The following ZBTB17 variants were observed in gnomAD, a reference collection of about 807,000 sequenced individuals.
ZBTB17 encodes the protein zinc finger and BTB domain-containing protein 17.
ZBTB17 carries 24 observed loss-of-function variants against 85.1 expected under a neutral mutation model. The observed-to-expected ratio is 0.28, with a 90% CI of 0.20 to 0.40. The LOEUF (loss-of-function observed/expected upper bound fraction) is 0.40. ZBTB17 is among the 10% of genes least tolerant of loss of function. ZBTB17 has a pLI of 1.00. For missense variants in ZBTB17, 743 were observed against 1,105.1 expected, an observed-to-expected ratio of 0.67 and a Z score of 4.65; for synonymous variants, 464 against 460.2, an observed-to-expected ratio of 1.01 and a Z score of -0.11.
chr1:15,969,674 A>T (rs1192454290), intron 2 of ZBTB17: 6 of 462,830 alleles, frequency 1.3e-5, no homozygotes, highest in African/African-American at 4.0e-5. Flanking sequence ...CTGACTGCCA[A>T]TATCTTCGCC....
rs545852303 is a variant in ZBTB17 at position 15,946,181 on chromosome 1, C to T, written c.508G>A (p.Gly170Ser). 3.2e-5 allele frequency: 52 copies of T among 1,610,410 alleles called. No individual in the cohort carries two copies. The highest frequency in any genetic ancestry group is 3.2e-4 in the African/African-American group (24 of 75,032). Residue 170 changes from glycine (G) to serine (S), a missense_variant, in exon 5 of 16, where the codon GGC becomes AGC. Coordinates refer to ENST00000375743, the MANE Select transcript of ZBTB17 (RefSeq NM_003443.3). ...CTGGCCGCACTCTGGGCCTGACCGC[C>T]GCGCTCCTCCTTGAGGTCCCTGCTG... ...GPSRDLKEER[G>S]GQAQSAASGA...
intron 2 of ZBTB17, among the ~76,000 whole-genome samples, chr1:15,950,027 C>T (rs978931357): frequency 6.6e-6 from 1 of 152,264 alleles, no homozygotes. Flanking sequence ...CCCGCGCAGG[C>T]TTTGGCTCTC....
At chr1:15,943,565 C>T in intron 11 of ZBTB17, 34 bp downstream of exon 11, 3 of 1,612,612 alleles carry the variant, frequency 1.9e-6, no homozygotes, top group Non-Finnish European at 2.5e-6. Flanking sequence ...TCTCCGTGCC[C>T]TCCCAGTCCT....
intron 2 of ZBTB17, among the ~76,000 whole-genome samples, chr1:15,959,679 G>C (rs2072187251): frequency 6.6e-6 from 1 of 152,016 alleles, no homozygotes; most frequent in African/African-American, 2.4e-5. Context: ...GGCTGAGGTG[G>C]GAGGATCACT....
In ZBTB17 at chr1:15,953,142, C is replaced by T. The variant is rs966918551; in HGVS notation, c.-2-4645G>A. ...AAACTAAATGTGTATATTTCATATACATTTACATGAAAACATTCCAATTAT... is the reference window on the plus strand; with the variant it reads ...AAACTAAATGTGTATATTTCATATATATTTACATGAAAACATTCCAATTAT... On this transcript the variant is annotated intron_variant, in intron 2 of 15. Transcript: ENST00000375743. This position sits in a 1 kb window ranked among gnomAD's most constrained non-coding sequence, Gnocchi z 5.1. Among the ~76,000 whole-genome samples, 2 of 151,964 alleles carry T rather than the reference C, an allele frequency of 1.3e-5. No individual in the cohort carries two copies. The highest frequency in any genetic ancestry group is 6.5e-5 in the Admixed American group (1 of 15,268).
chr1:15,970,853 G>T (rs1557798730), intron 2 of ZBTB17, among the ~76,000 whole-genome samples: 1 of 152,312 alleles, frequency 6.6e-6, no homozygotes, highest in Non-Finnish European at 1.5e-5. Flanking sequence ...AGCCAGGAGA[G>T]CCTTTTCCAT....
At chr1:15,975,488 G>A (rs755065516) in intron 1 of ZBTB17, among the ~76,000 whole-genome samples, 14 of 152,200 alleles carry the variant, frequency 9.2e-5, no homozygotes, top group Non-Finnish European at 1.9e-4. Context: ...ACCGTCCGCA[G>A]TACGAATGAA....
At position 15,965,440 on chromosome 1, in the gene ZBTB17, T is replaced by C. The variant is rs563600263; in HGVS notation, c.-3+7599A>G. Among the ~76,000 whole-genome samples the C allele has an allele frequency of 3.3e-5, 5 of 152,272 alleles. No homozygotes were observed. In the South Asian group the frequency reaches 1.0e-3, roughly 32 times the overall value. On this transcript the variant is annotated intron_variant, in intron 2 of 15. Coordinates refer to ENST00000375743, the MANE Select transcript of ZBTB17 (RefSeq NM_003443.3). ...TACGCCCACCAGATTAGTAAAAATG[T>C]TGAAGTCTGAAAATACCATTGTTGA... is the stretch of plus-strand genomic sequence containing the variant.
Position 15,971,428 on chromosome 1 carries a change from TAC to T in ZBTB17, c.-3+1609_-3+1610del, listed in dbSNP as rs142948524. 9.4e-4 allele frequency among the ~76,000 whole-genome samples: 91 copies of T among 96,308 alleles called. 4 individuals are homozygous for T. Among genetic ancestry groups the T allele is most frequent in the African/African-American group, 3.0e-3 (72 of 23,972 alleles). The allele number at this position is 96,308 out of a possible 152,430, so 63.2% of individuals were successfully genotyped here. On this transcript the variant is annotated intron_variant, in intron 2 of 15. Transcript: ENST00000375743. The stretch of plus-strand genomic sequence containing the variant: ...TATATACACACACACTATATATATA[TAC>T]ACACACACTATATATATACACACAC...
chr1:15,958,146 A>G (rs1434737472), intron 2 of ZBTB17, among the ~76,000 whole-genome samples: 4 of 152,238 alleles, frequency 2.6e-5, no homozygotes, highest in Admixed American at 1.3e-4. Context: ...CGAGTGTGCA[A>G]TGAGACAACT....
intron 2 of ZBTB17, among the ~76,000 whole-genome samples, chr1:15,959,437 A>G (rs1258932303): frequency 6.6e-6 from 1 of 151,620 alleles, no homozygotes; most frequent in Non-Finnish European, 1.5e-5. Flanking sequence ...ACTATCTATT[A>G]AAAAATTAAA....
chr1:15,942,029 G>A lies in ZBTB17; in HGVS notation c.2352C>T (p.Gly784=), dbSNP rs768209709. 9 of 1,609,580 alleles carry A rather than the reference G, an allele frequency of 5.6e-6. No homozygotes were observed. Among genetic ancestry groups the A allele is most frequent in the South Asian group, 5.5e-5 (5 of 91,032 alleles). The change falls in exon 16 of 16, where the codon GGC becomes GGT. Residue 784 remains glycine (G), a synonymous_variant. Transcript: ENST00000375743. ...GGGAGGTCTCTGCCAGTGCGGGCTG[G>A]CCCTCAGCCCCGTCGCGAGGGCGGA... ...LVFRPRDGAE[G]QPALAETSPT... is the part of the protein sequence containing the mutation.
chr1:15,942,979 G>A lies in ZBTB17; in HGVS notation c.1828+85C>T. The stretch of plus-strand genomic sequence containing the variant: ...GCAAGAGCTAGCACCCGAGGCTGGG[G>A]TCTGGGGGGTCCCTTCCTTCCCCCT... On this transcript the variant is annotated intron_variant, in intron 13 of 15. Transcript: ENST00000375743. The A allele has an allele frequency of 1.9e-6, 3 of 1,562,558 alleles. No homozygotes were observed. In the South Asian group the frequency reaches 3.4e-5, roughly 18 times the overall value.
chr1:15,960,752 C>T (rs2072229843), intron 2 of ZBTB17, among the ~76,000 whole-genome samples: 1 of 152,112 alleles, frequency 6.6e-6, no homozygotes, highest in Admixed American at 6.5e-5. Flanking sequence ...AGAATTCAAG[C>T]CAAAAGAAAA....
At chr1:15,946,015 C>T (rs1337889232) in intron 5 of ZBTB17, 139 bp downstream of exon 5, 8 of 1,553,692 alleles carry the variant, frequency 5.1e-6, no homozygotes, top group Non-Finnish European at 7.0e-6. Flanking sequence ...CTGGAACACA[C>T]AATAGGTCAT....
Position 15,976,064 on chromosome 1 carries a change from A to G in ZBTB17, c.-171T>C. 1 of 689,392 alleles carries G rather than the reference A, an allele frequency of 1.5e-6. No homozygotes were observed. The highest frequency in any genetic ancestry group is 2.6e-6 in the Non-Finnish European group (1 of 378,774). 42.7% of individuals were successfully genotyped at this position (689,392 alleles called of 1,614,324 possible). A position where few individuals can be genotyped will look rare whatever the true frequency, so the allele number is the denominator to read the frequency against. On this transcript the variant is annotated 5_prime_UTR_variant, in exon 1 of 16. Coordinates refer to ENST00000375743, the MANE Select transcript of ZBTB17 (RefSeq NM_003443.3). ...GGGGACGGCACTCCAGAGCAGACAA[A>G]GGGCGCCGCCATGTTAGAGTCGGGC... is the stretch of plus-strand genomic sequence containing the variant.
At chr1:15,945,901 T>A in intron 5 of ZBTB17, 61 bp from the exon 6 acceptor site, 1 of 1,566,042 alleles carries the variant, frequency 6.4e-7, no homozygotes, top group Admixed American at 1.7e-5. Context: ...CGGATACCTC[T>A]CCTGGACCAG....
chr1:15,942,447 G>A (rs1481496439), intron 14 of ZBTB17, 27 bp from the exon 15 acceptor site: 29 of 1,612,200 alleles, frequency 1.8e-5, no homozygotes, highest in Non-Finnish European at 2.4e-5. Flanking sequence ...AGGGCCTAAG[G>A]TGAAGGCACG....
chr1:15,944,730 G>C lies in ZBTB17; in HGVS notation c.1037C>G (p.Pro346Arg). 3 of 1,611,498 alleles carry C rather than the reference G, an allele frequency of 1.9e-6. No homozygotes were observed. The highest frequency in any genetic ancestry group is 2.5e-6 in the Non-Finnish European group (3 of 1,179,894). The change falls in exon 8 of 16, where the codon CCG becomes CGG. Residue 346 changes from proline (P) to arginine (R), a missense_variant. Pro to Arg is a moderately radical substitution (Grantham distance 103). Around this residue, in one of 4 missense-constraint regions of ZBTB17, gnomAD observed 321 missense variants for 615.7 expected, o/e 0.52. Coordinates refer to ENST00000375743, the MANE Select transcript of ZBTB17 (RefSeq NM_003443.3). ...CTTCTCATGGGCCTTGCACGCGGCC[G>C]GGTCGGAAAAGGCCTTGCTGCACTC... The part of the protein sequence containing the change: ...CRECSKAFSD[P>R]AACKAHEKTH...
Sources: allele counts gnomAD v4.1 joint callset (sites outside exome capture counted in the v4.1 genomes callset), GRCh38; gene constraint gnomAD v4.1.1; regional missense constraint gnomAD v4.1.1; non-coding constraint Gnocchi (gnomAD v3.1); transcripts MANE v1.5; gene names NCBI Gene and HGNC (gene_info 2026-07-23, HGNC 2026-07-21).